CEP43: variants seen among roughly 807,000 people sequenced by gnomAD.
CEP43 encodes the protein centrosomal protein 43.
CEP43 carries 36 observed loss-of-function variants against 52.6 expected under a neutral mutation model. That is an observed-to-expected ratio of 0.68 (90% CI 0.52 to 0.90). The LOEUF (loss-of-function observed/expected upper bound fraction) is 0.90, where lower values mean the gene tolerates loss of function less well. CEP43 is among the 40% of genes least tolerant of loss of function. The pLI is 0.00. For synonymous variants in CEP43, 192 were observed against 172.4 expected, an observed-to-expected ratio of 1.11 and a Z score of -0.89; for missense variants, 506 against 472.8, an observed-to-expected ratio of 1.07 and a Z score of -0.65.
intron 5 of CEP43, among the ~76,000 whole-genome samples, chr6:167,010,180 G>A (rs964818173): frequency 1.3e-5 from 2 of 152,226 alleles, no homozygotes; most frequent in East Asian, 3.8e-4. Context: ...ATTGTAGGAA[G>A]TGATTTTCAT....
chr6:167,024,895 G>GT lies in CEP43; in HGVS notation c.919+2dup. On this transcript the variant is annotated splice_donor_variant, in intron 9 of 12. Coordinates refer to ENST00000366847, the MANE Select transcript of CEP43 (RefSeq NM_007045.4). LOFTEE classifies it high-confidence loss of function. ...GCCCCTTCTTTAAAAGACTCTGAGAGTAAGTGCCCAAAGATGTGGACTTCA... is the reference window on the plus strand; with the variant it reads ...GCCCCTTCTTTAAAAGACTCTGAGAGTTAAGTGCCCAAAGATGTGGACTTCA... 6.5e-7 allele frequency: 1 copy of GT among 1,531,440 alleles called. No individual in the cohort carries two copies. The highest frequency in any genetic ancestry group is 1.4e-5 in the African/African-American group (1 of 72,898). 94.9% of individuals were successfully genotyped at this position (1,531,440 alleles called of 1,614,324 possible). A position where few individuals can be genotyped will look rare whatever the true frequency, so the allele number is the denominator to read the frequency against.
Position 167,041,535 on chromosome 6 carries a change from A to C in CEP43, c.*1557A>C. Reference sequence around the variant, plus strand: ...TTGTTATAAAATGCATTTCTTTGTAAGTCATCTCTGTAAACAGTCACTTTC... The same window carrying C: ...TTGTTATAAAATGCATTTCTTTGTACGTCATCTCTGTAAACAGTCACTTTC... On this transcript the variant is annotated 3_prime_UTR_variant, in exon 13 of 13. Coordinates refer to ENST00000366847, the MANE Select transcript of CEP43 (RefSeq NM_007045.4). 9.5e-7 allele frequency: 1 copy of C among 1,052,172 alleles called. No individual in the cohort carries two copies. Among genetic ancestry groups the C allele is most frequent in the Non-Finnish European group, 1.1e-6 (1 of 870,952 alleles). The allele number at this position is 1,052,172 out of a possible 1,614,324, so 65.2% of individuals were successfully genotyped here. A position where few individuals can be genotyped will look rare whatever the true frequency, so the allele number is the denominator to read the frequency against.
chr6:167,001,311 C>G (rs1779730928), intron 2 of CEP43, among the ~76,000 whole-genome samples: 1 of 152,192 alleles, frequency 6.6e-6, no homozygotes. Context: ...TCTTTGACCC[C>G]TTCCTTTTCT....
At position 167,026,606 on chromosome 6, in the gene CEP43, C is replaced by A. The variant is rs764048848; in HGVS notation, c.979C>A (p.Leu327Ile). Residue 327 changes from leucine (L) to isoleucine (I), a missense_variant, in exon 10 of 13, where the codon CTT (leucine) becomes ATT (isoleucine). Coordinates refer to ENST00000366847, the MANE Select transcript of CEP43 (RefSeq NM_007045.4). The stretch of plus-strand genomic sequence containing the variant: ...ATTGATCAGTGATAAAATTGGATCA[C>A]TTGGATTAGGTAATTAGATTTCTAG... Reference protein sequence around the residue: ...LKLISDKIGSLGLGTGEDDDY... With the variant: ...LKLISDKIGSIGLGTGEDDDY... 14 of 1,578,048 alleles carry A rather than the reference C, an allele frequency of 8.9e-6. No homozygotes were observed. The South Asian group carries it at 1.6e-4, about 17-fold the overall frequency.
chr6:167,024,576 C>T (rs535136849), intron 8 of CEP43, among the ~76,000 whole-genome samples: 10 of 152,150 alleles, frequency 6.6e-5, no homozygotes, highest in Admixed American at 1.3e-4. Context: ...TGATTTCTTA[C>T]GCCCTGGCTG....
At chr6:167,020,895 C>T (rs1315883424) in intron 7 of CEP43, among the ~76,000 whole-genome samples, 2 of 121,094 alleles carry the variant, frequency 1.7e-5, no homozygotes, top group Non-Finnish European at 3.2e-5. Flanking sequence ...AGTGACAGAG[C>T]GAGACTCTGT....
chr6:167,000,061 C>G lies in CEP43; in HGVS notation c.104C>G (p.Ala35Gly). The G allele has an allele frequency of 6.2e-7, 1 of 1,610,942 alleles. No individual in the cohort carries two copies. The highest frequency in any genetic ancestry group is 8.5e-7 in the Non-Finnish European group (1 of 1,177,926). ...CCTGTTTCTTAACTTTTTTTTAAGG[C>G]TGAACTCCGAGCAGCTGTGTTTTTA... ...ENSGVLNRIK[A>G]ELRAAVFLAL... Residue 35 changes from alanine (A) to glycine (G), a missense_variant and splice_region_variant, in exon 2 of 13, where the codon GCT (alanine) becomes GGT (glycine). Coordinates refer to ENST00000366847, the MANE Select transcript of CEP43 (RefSeq NM_007045.4).
chr6:167,014,150 A>T (rs1780043296), intron 7 of CEP43, among the ~76,000 whole-genome samples: 1 of 152,238 alleles, frequency 6.6e-6, no homozygotes, highest in Non-Finnish European at 1.5e-5. Flanking sequence ...ATGGATGATT[A>T]TATACATATT....
intron 3 of CEP43, 90 bp downstream of exon 3, chr6:167,003,337 T>A (rs968225175): frequency 4.3e-6 from 3 of 691,758 alleles, no homozygotes; most frequent in Admixed American, 2.8e-5. Context: ...CAGGGCTTTT[T>A]TTTTGTCTTC....
chr6:167,026,828 TCA>T (rs1780366818), intron 10 of CEP43, among the ~76,000 whole-genome samples: 1 of 152,222 alleles, frequency 6.6e-6, no homozygotes, highest in South Asian at 2.1e-4. Context: ...ACCTCTGTCT[TCA>T]TGGAGTTTAA....
At chr6:167,039,253 C>G (rs1312268817) in intron 12 of CEP43, among the ~76,000 whole-genome samples, 1 of 152,136 alleles carries the variant, frequency 6.6e-6, no homozygotes, top group African/African-American at 2.4e-5. Flanking sequence ...CCTCAGCCTC[C>G]CAAGTAGCTG....
chr6:166,999,537 G>A (rs1779675415), intron 1 of CEP43, 23 bp downstream of exon 1: 9 of 1,390,614 alleles, frequency 6.5e-6, no homozygotes, highest in South Asian at 1.6e-5. Context: ...GCTGGGGCCG[G>A]GCCTGGCGGA....
At chr6:167,026,336 C>CTGAG (rs991982007) in intron 9 of CEP43, among the ~76,000 whole-genome samples, 1 of 152,032 alleles carries the variant, frequency 6.6e-6, no homozygotes, top group Non-Finnish European at 1.5e-5. Context: ...GCACTCCAGC[C>CTGAG]TGAGTGACAG....
At chr6:167,022,259 AACACACAC>A (rs35327997) in intron 7 of CEP43, 142 bp from the exon 8 acceptor site, 114 of 544,558 alleles carry the variant, frequency 2.1e-4, no homozygotes, top group East Asian at 2.7e-4. Flanking sequence ...GAGCTGCCCC[AACACACAC>A]ACACACACAC....
At chr6:167,027,552 C>T (rs142057315) in intron 10 of CEP43, among the ~76,000 whole-genome samples, 16 of 152,300 alleles carry the variant, frequency 1.1e-4, no homozygotes, top group Non-Finnish European at 1.6e-4. Flanking sequence ...TAAAACCCAG[C>T]CCTGTCCAAG....
Position 167,003,774 on chromosome 6 carries a change from A to G in CEP43, c.263A>G (p.Asp88Gly), listed in dbSNP as rs1187332625. Residue 88 changes from aspartate to glycine, a missense_variant, in exon 4 of 13, where the codon GAC becomes GGC. Asp to Gly is a moderately conservative substitution (Grantham distance 94). Coordinates refer to ENST00000366847, the MANE Select transcript of CEP43 (RefSeq NM_007045.4). Reference sequence around the variant, plus strand: ...GAATTTCTTCAGTTTTTTAACCTTGACTTTACTTTGGCTGTTTTTCAACCT... The same window carrying G: ...GAATTTCTTCAGTTTTTTAACCTTGGCTTTACTTTGGCTGTTTTTCAACCT... ...VAEFLQFFNL[D>G]FTLAVFQPET... The G allele has an allele frequency of 6.2e-7, 1 of 1,612,030 alleles. No individual in the cohort carries two copies.
chr6:167,010,785 A>C, intron 5 of CEP43, 28 bp from the exon 6 acceptor site: 1 of 1,201,346 alleles, frequency 8.3e-7, no homozygotes, highest in Non-Finnish European at 1.1e-6. Context: ...TTTTAAATGT[A>C]TTTTAATTTT....
Position 167,041,438 on chromosome 6 carries a change from T to G in CEP43, c.*1460T>G. 1 of 1,060,304 alleles carries G rather than the reference T, an allele frequency of 9.4e-7. No homozygotes were observed. Among genetic ancestry groups the G allele is most frequent in the Non-Finnish European group, 1.1e-6 (1 of 876,090 alleles). The allele number at this position is 1,060,304 out of a possible 1,614,324, so 65.7% of individuals were successfully genotyped here. A position where few individuals can be genotyped will look rare whatever the true frequency, so the allele number is the denominator to read the frequency against. On this transcript the variant is annotated 3_prime_UTR_variant, in exon 13 of 13. Coordinates refer to ENST00000366847, the MANE Select transcript of CEP43 (RefSeq NM_007045.4). ...CCGTCTGTGAGCTGCTATCTCAGTC[T>G]CCTTCAGCTCTTCATGTCTTAGTAA... is the stretch of plus-strand genomic sequence containing the variant.
rs143518867 is a variant in CEP43 at position 167,036,144 on chromosome 6, A to G, written c.1125+2173A>G. 99 of 985,482 alleles carry G rather than the reference A, an allele frequency of 1.0e-4. 2 individuals carry two copies. The East Asian group carries it at 7.3e-3, about 72-fold the overall frequency. 61.0% of individuals were successfully genotyped at this position (985,482 alleles called of 1,614,324 possible). A position where few individuals can be genotyped will look rare whatever the true frequency, so the allele number is the denominator to read the frequency against. On this transcript the variant is annotated intron_variant, in intron 12 of 12. Transcript: ENST00000366847. The stretch of plus-strand genomic sequence containing the variant: ...ATCAAGATAAAAAGTGACAGGTGCC[A>G]TAAAATGCCAGTCATTCATGGGCCA...
Sources: allele counts gnomAD v4.1 joint callset (sites outside exome capture counted in the v4.1 genomes callset), GRCh38; gene constraint gnomAD v4.1.1; transcripts MANE v1.5; gene names NCBI Gene and HGNC (gene_info 2026-07-23, HGNC 2026-07-21).